Variants in KIF5C observed in about 807,000 individuals in gnomAD.
The protein encoded by KIF5C is kinesin heavy chain isoform 5C.
A neutral mutation model predicts 125.2 loss-of-function variants in KIF5C; 18 were observed. That is an observed-to-expected ratio of 0.14 (90% CI 0.10 to 0.21). KIF5C has a LOEUF of 0.21. Ranked by LOEUF, KIF5C falls within the 10% of genes least tolerant of loss-of-function variation. The pLI is 1.00. For synonymous variants in KIF5C, 405 were observed against 434.0 expected, an observed-to-expected ratio of 0.93 and a Z score of 0.83; for missense variants, 780 against 1,183.8, an observed-to-expected ratio of 0.66 and a Z score of 5.01.
chr2:148,937,519 C>T (rs916124067), intron 4 of KIF5C, 131 bp downstream of exon 4: 1 of 1,310,152 alleles, frequency 7.6e-7, no homozygotes, highest in African/African-American at 1.5e-5. Context: ...AAGCAGAGCC[C>T]TCTTTATTAG....
chr2:148,990,936 G>A (rs1681507379), intron 15 of KIF5C, 74 bp from the exon 16 acceptor site: 4 of 1,502,024 alleles, frequency 2.7e-6, no homozygotes, highest in Non-Finnish European at 3.6e-6. Context: ...GGGATCCAGG[G>A]GCAGGTTTCC....
chr2:148,884,547 T>C (rs1681458983), intron 1 of KIF5C, among the ~76,000 whole-genome samples: 1 of 152,212 alleles, frequency 6.6e-6, no homozygotes, highest in South Asian at 2.1e-4. Flanking sequence ...AAATGGCCAA[T>C]CTTATTTTTT....
chr2:148,914,211 A>AC (rs962797423), intron 1 of KIF5C, among the ~76,000 whole-genome samples: 1 of 152,024 alleles, frequency 6.6e-6, no homozygotes, highest in Non-Finnish European at 1.5e-5. Flanking sequence ...TTTTCCTCCT[A>AC]CCCCCTGTAG....
Position 148,991,048 on chromosome 2 carries a change from C to T in KIF5C, c.1755C>T (p.Thr585=), listed in dbSNP as rs1421888531. The T allele has an allele frequency of 6.2e-7, 1 of 1,613,616 alleles. No homozygotes were observed. The highest frequency in any genetic ancestry group is 1.7e-5 in the Admixed American group (1 of 59,970). Residue 585 remains threonine (T), a synonymous_variant, in exon 16 of 26, where the codon ACC becomes ACT. Transcript: ENST00000435030. The part of the protein sequence containing the change: ...DVNGVIEEEF[T]MARLYISKMK... Reference sequence around the variant, plus strand: ...ATGGAGTCATTGAGGAGGAGTTTACCATGGCCCGCCTGTACATCAGCAAGA... The same window carrying T: ...ATGGAGTCATTGAGGAGGAGTTTACTATGGCCCGCCTGTACATCAGCAAGA...
chr2:148,937,213 A>G, intron 3 of KIF5C, 71 bp from the exon 4 acceptor site: 5 of 1,530,468 alleles, frequency 3.3e-6, no homozygotes, highest in Non-Finnish European at 4.4e-6. Flanking sequence ...GAACCCAGAG[A>G]TGGTTCTCCC....
chr2:148,962,994 A>G (rs188535046), intron 11 of KIF5C, among the ~76,000 whole-genome samples: 1 of 152,270 alleles, frequency 6.6e-6, no homozygotes, highest in African/African-American at 2.4e-5. Flanking sequence ...TCTTCCCCAA[A>G]ACATTTTCTT....
intron 1 of KIF5C, among the ~76,000 whole-genome samples, chr2:148,914,059 A>T (rs1284886002): frequency 6.6e-6 from 1 of 152,236 alleles, no homozygotes; most frequent in Non-Finnish European, 1.5e-5. Flanking sequence ...CTTACCGCTC[A>T]TTATTGTGAT....
intron 1 of KIF5C, among the ~76,000 whole-genome samples, chr2:148,905,870 C>T (rs183008655): frequency 1.6e-4 from 25 of 152,270 alleles, no homozygotes; most frequent in East Asian, 3.9e-4. Context: ...ATGTCTTACA[C>T]GATGGCAGGC....
intron 25 of KIF5C, among the ~76,000 whole-genome samples, chr2:149,013,000 G>GTGAGCATCCT (rs1682257746): frequency 1.3e-5 from 2 of 152,240 alleles, no homozygotes. Context: ...TTTGGTGGAT[G>GTGAGCATCCT]TGAGCATCCT....
At chr2:148,925,809 C>T (rs370847993) in intron 2 of KIF5C, among the ~76,000 whole-genome samples, 1 of 152,182 alleles carries the variant, frequency 6.6e-6, no homozygotes, top group Non-Finnish European at 1.5e-5. Flanking sequence ...GATGGTGGCT[C>T]CTACACCTTG....
In KIF5C at chr2:148,973,386, C is replaced by T. The variant is rs997660392; in HGVS notation, c.1168C>T (p.Leu390=). The part of the protein sequence containing the change: ...EQISAKDQKN[L]EPCDNTPIID... ...GATCAGTGCCAAGGACCAGAAGAAC[C>T]TGGAGCCTTGTGATAACACCCCCAT... is the stretch of plus-strand genomic sequence containing the variant. Residue 390 remains leucine (L), a synonymous_variant, in exon 12 of 26, where the codon CTG becomes TTG. Coordinates refer to ENST00000435030, the MANE Select transcript of KIF5C (RefSeq NM_004522.3). The T allele has an allele frequency of 6.2e-7, 1 of 1,613,770 alleles. No individual in the cohort carries two copies. The highest frequency in any genetic ancestry group is 8.5e-7 in the Non-Finnish European group (1 of 1,179,716).
chr2:148,903,610 C>T (rs1019209123), intron 1 of KIF5C, among the ~76,000 whole-genome samples: 6 of 152,302 alleles, frequency 3.9e-5, no homozygotes, highest in Admixed American at 2.0e-4. Context: ...GATCGAATGC[C>T]ATGTGTCCAG....
At chr2:148,885,783 T>C (rs1225208061) in intron 1 of KIF5C, 3 of 152,216 alleles carry the variant, frequency 2.0e-5, no homozygotes, top group Non-Finnish European at 4.4e-5. Context: ...GCCTTTAGCA[T>C]CTTTGGCTGC....
chr2:148,915,826 G>A (rs181085316), intron 1 of KIF5C, among the ~76,000 whole-genome samples: 1 of 152,312 alleles, frequency 6.6e-6, no homozygotes, highest in South Asian at 2.1e-4. Flanking sequence ...CATCACGTGA[G>A]TTCCCACTAG....
chr2:148,923,010 A>G (rs1558896094), intron 2 of KIF5C, among the ~76,000 whole-genome samples: 1 of 152,214 alleles, frequency 6.6e-6, no homozygotes, highest in Admixed American at 6.5e-5. Flanking sequence ...CAGGCTTGCC[A>G]TCTGGACAGA....
At chr2:149,000,568 T>C in intron 20 of KIF5C, 44 bp downstream of exon 20, 1 of 1,550,652 alleles carries the variant, frequency 6.4e-7, no homozygotes. Context: ...CTCATCCCCA[T>C]GATATTCTGG....
chr2:148,936,291 A>AAAAC (rs1459703947), intron 3 of KIF5C, among the ~76,000 whole-genome samples: 1 of 152,230 alleles, frequency 6.6e-6, no homozygotes, highest in Non-Finnish European at 1.5e-5. Flanking sequence ...TCAAAAAACA[A>AAAAC]AAACAAACAA....
In KIF5C at chr2:148,875,273, G is replaced by C. The variant is rs1169481095; in HGVS notation, c.-345G>C. On this transcript the variant is annotated 5_prime_UTR_variant, in exon 1 of 26. Coordinates refer to ENST00000435030, the MANE Select transcript of KIF5C (RefSeq NM_004522.3). ...AGGATGGCTGAGCGCGCAGGAGCCCGGGAGGTCTGAGCCGGGCGAGGCTCG... is the reference window on the plus strand; with the variant it reads ...AGGATGGCTGAGCGCGCAGGAGCCCCGGAGGTCTGAGCCGGGCGAGGCTCG... 11 of 219,208 alleles carry C rather than the reference G, an allele frequency of 5.0e-5. No individual in the cohort carries two copies. In the East Asian group the frequency reaches 1.0e-3, roughly 21 times the overall value. 13.6% of individuals were successfully genotyped at this position (219,208 alleles called of 1,614,324 possible). A position where few individuals can be genotyped will look rare whatever the true frequency, so the allele number is the denominator to read the frequency against.
intron 25 of KIF5C, among the ~76,000 whole-genome samples, chr2:149,021,466 G>T (rs6723876): frequency 0.047 from 7,162 of 150,884 alleles, 591 homozygotes; most frequent in African/African-American, 0.16. Flanking sequence ...CACTTTGCTT[G>T]TATCTGCTTT....
Sources: gnomAD v4.1 joint callset for allele counts (sites outside exome capture counted in the v4.1 genomes callset) on GRCh38, gnomAD v4.1.1 for gene constraint, MANE v1.5 for transcripts, NCBI Gene and HGNC (gene_info 2026-07-23, HGNC 2026-07-21) for gene names.